Variants in BCHE observed in about 807,000 individuals in gnomAD.
The protein encoded by BCHE is butyrylcholinesterase.
In BCHE, 48 loss-of-function variants were observed where a neutral mutation model predicts 51.3. That is an observed-to-expected ratio of 0.94 (90% CI 0.74 to 1.19). BCHE has a LOEUF of 1.19. Ranked by LOEUF, BCHE falls within the 50% of genes most tolerant of loss-of-function variation. BCHE has a pLI of 0.00. For synonymous variants in BCHE, 251 were observed against 238.0 expected (o/e 1.05, Z -0.50); for missense variants, 847 against 708.2 (o/e 1.20, Z -2.23).
intron 2 of BCHE, among the ~76,000 whole-genome samples, chr3:165,819,003 C>A (rs1045071136): frequency 2.0e-5 from 3 of 151,588 alleles, no homozygotes; most frequent in Non-Finnish European, 4.4e-5. Context: ...AAAGTCAAGG[C>A]CTTTCTTTGG....
chr3:165,823,729 T>G (rs1714611822), intron 2 of BCHE, among the ~76,000 whole-genome samples: 1 of 152,000 alleles, frequency 6.6e-6, no homozygotes, highest in Non-Finnish European at 1.5e-5. Flanking sequence ...GTTTGCAAAC[T>G]AAAAAATCTT....
intron 2 of BCHE, among the ~76,000 whole-genome samples, chr3:165,795,231 A>G (rs1453028078): frequency 6.6e-6 from 1 of 152,184 alleles, no homozygotes; most frequent in East Asian, 1.9e-4. Context: ...GACATAGCAA[A>G]ACGTTTGACT....
chr3:165,776,538 G>C (rs564611063), intron 3 of BCHE, among the ~76,000 whole-genome samples: 1 of 151,832 alleles, frequency 6.6e-6, no homozygotes, highest in African/African-American at 2.4e-5. Flanking sequence ...GTGTAGAAAA[G>C]AGAAAAAGAA....
intron 2 of BCHE, among the ~76,000 whole-genome samples, chr3:165,808,818 A>G (rs73028220): frequency 0.025 from 3,794 of 152,246 alleles, 160 homozygotes; most frequent in African/African-American, 0.087. Flanking sequence ...CTGACAACCA[A>G]AAAGACTAAT....
intron 2 of BCHE, among the ~76,000 whole-genome samples, chr3:165,799,318 T>C (rs935961802): frequency 3.3e-5 from 5 of 152,124 alleles, no homozygotes; most frequent in Non-Finnish European, 7.4e-5. Flanking sequence ...CTTCCTTTTA[T>C]GAACCTACAC....
At chr3:165,812,095 T>C (rs1227860065) in intron 2 of BCHE, among the ~76,000 whole-genome samples, 1 of 152,018 alleles carries the variant, frequency 6.6e-6, no homozygotes, top group African/African-American at 2.4e-5. Context: ...CTGAATTACA[T>C]CAGGAATAAA....
rs1714960344 is a variant in BCHE at position 165,831,058 on chromosome 3, TATA to T, written c.-8-20_-8-18del. 2.5e-6 allele frequency: 4 copies of T among 1,575,068 alleles called. No homozygotes were observed. Among genetic ancestry groups the T allele is most frequent in the Non-Finnish European group, 3.5e-6 (4 of 1,154,284 alleles). ...TATTGATTTCTGAAAGAGAGGTAAG[TATA>T]ATGTTTTATAAGCCTTCTGCATATA... On this transcript the variant is annotated intron_variant, in intron 1 of 3. Coordinates refer to ENST00000264381, the MANE Select transcript of BCHE (RefSeq NM_000055.4).
chr3:165,806,912 A>G (rs1402775771), intron 2 of BCHE, among the ~76,000 whole-genome samples: 2 of 152,074 alleles, frequency 1.3e-5, no homozygotes, highest in African/African-American at 2.4e-5. Flanking sequence ...CTATAATCTT[A>G]TAGAAACAAT....
intron 3 of BCHE, among the ~76,000 whole-genome samples, chr3:165,781,324 A>C (rs1048854692): frequency 1.3e-5 from 2 of 151,242 alleles, no homozygotes; most frequent in Non-Finnish European, 3.0e-5. Flanking sequence ...AAAGACATGA[A>C]ACCAACCCAA....
chr3:165,795,309 C>T (rs1713335078), intron 2 of BCHE, among the ~76,000 whole-genome samples: 1 of 152,168 alleles, frequency 6.6e-6, no homozygotes, highest in Non-Finnish European at 1.5e-5. Flanking sequence ...TGTTCACAAA[C>T]TAAAATCTAA....
chr3:165,785,808 A>T (rs1285981441), intron 3 of BCHE, among the ~76,000 whole-genome samples: 2 of 151,614 alleles, frequency 1.3e-5, no homozygotes, highest in African/African-American at 2.4e-5. Context: ...TGATATATTT[A>T]TTTCTTTGTC....
chr3:165,797,517 C>T (rs972655307), intron 2 of BCHE, among the ~76,000 whole-genome samples: 5 of 151,434 alleles, frequency 3.3e-5, no homozygotes, highest in African/African-American at 7.3e-5. Flanking sequence ...CATTTGAATG[C>T]GATCATACGA....
At chr3:165,808,956 A>G (rs555123447) in intron 2 of BCHE, among the ~76,000 whole-genome samples, 1 of 152,324 alleles carries the variant, frequency 6.6e-6, no homozygotes, top group Admixed American at 6.5e-5. Context: ...AAAGTAAAAC[A>G]TAAGAAAAAA....
chr3:165,788,484 G>A (rs1444915427), intron 2 of BCHE, among the ~76,000 whole-genome samples: 1 of 152,020 alleles, frequency 6.6e-6, no homozygotes, highest in Non-Finnish European at 1.5e-5. Context: ...GATCACAGAT[G>A]GCACAATTGT....
intron 1 of BCHE, among the ~76,000 whole-genome samples, chr3:165,836,695 A>G (rs1241998762): frequency 6.6e-6 from 1 of 152,100 alleles, no homozygotes; most frequent in African/African-American, 2.4e-5. Flanking sequence ...ATTTAAACAA[A>G]CATATAAAAA....
At chr3:165,799,925 G>T (rs2108213208) in intron 2 of BCHE, among the ~76,000 whole-genome samples, 1 of 151,944 alleles carries the variant, frequency 6.6e-6, no homozygotes, top group East Asian at 1.9e-4. Context: ...TTATTTTACT[G>T]ATCATTAGTA....
chr3:165,822,738 G>A (rs1714576699), intron 2 of BCHE, among the ~76,000 whole-genome samples: 1 of 151,900 alleles, frequency 6.6e-6, no homozygotes, highest in African/African-American at 2.4e-5. Context: ...GAAGCTGGAG[G>A]GGTTTTGAAA....
intron 1 of BCHE, among the ~76,000 whole-genome samples, chr3:165,833,141 G>A (rs535850597): frequency 6.6e-6 from 1 of 151,552 alleles, no homozygotes; most frequent in South Asian, 2.1e-4. Flanking sequence ...AGTTCTGTTT[G>A]GTACAATTAG....
intron 2 of BCHE, among the ~76,000 whole-genome samples, chr3:165,794,121 C>G (rs910314309): frequency 6.6e-6 from 1 of 151,430 alleles, no homozygotes; most frequent in African/African-American, 2.4e-5. Context: ...AACTATATAC[C>G]CAAATAAAAT....
Sources: allele counts gnomAD v4.1 joint callset (sites outside exome capture counted in the v4.1 genomes callset), GRCh38; gene constraint gnomAD v4.1.1; transcripts MANE v1.5; gene names NCBI Gene and HGNC (gene_info 2026-07-23, HGNC 2026-07-21).